Variants in SYNPO2 observed in about 807,000 individuals in gnomAD.
SYNPO2 encodes synaptopodin 2.
SYNPO2 carries 56 observed loss-of-function variants against 85.0 expected under a neutral mutation model. The observed-to-expected ratio is 0.66, with a 90% CI of 0.53 to 0.82. The LOEUF (loss-of-function observed/expected upper bound fraction) is 0.82, where lower values mean the gene tolerates loss of function less well. Ranked by LOEUF, SYNPO2 falls within the 40% of genes least tolerant of loss-of-function variation. SYNPO2 has a pLI of 0.00. For missense variants in SYNPO2, 1,575 were observed against 1,534.2 expected, an observed-to-expected ratio of 1.03 and a Z score of -0.44; for synonymous variants, 602 against 591.1, an observed-to-expected ratio of 1.02 and a Z score of -0.27.
At chr4:118,855,124 CAAA>C (rs71595325) in intron 1 of SYNPO2, among the ~76,000 whole-genome samples, 3 of 137,250 alleles carry the variant, frequency 2.2e-5, no homozygotes, top group Admixed American at 7.0e-5. Context: ...TTTACTAAAG[CAAA>C]AAAAAAAAAA....
intron 1 of SYNPO2, among the ~76,000 whole-genome samples, chr4:119,012,169 T>C (rs191739013): frequency 4.5e-4 from 69 of 152,088 alleles, no homozygotes; most frequent in African/African-American, 1.6e-3. Context: ...GTGATCTGCC[T>C]GCCTCAGCCT....
At chr4:118,912,025 GA>G (rs1436300578) in intron 1 of SYNPO2, among the ~76,000 whole-genome samples, 1 of 152,180 alleles carries the variant, frequency 6.6e-6, no homozygotes, top group African/African-American at 2.4e-5. Flanking sequence ...CTTAGAATTT[GA>G]AAGAGATATC....
rs1483840740 is a variant in SYNPO2, at chr4:119,030,713, C to T, written c.1938C>T (p.Pro646=). The part of the protein sequence containing the change: ...VSSPIAGPAQ[P]PPWPQPAPWS... ...GTCCGATTGCTGGCCCAGCACAGCCCCCTCCATGGCCCCAGCCTGCCCCGT... is the reference window on the plus strand; with the variant it reads ...GTCCGATTGCTGGCCCAGCACAGCCTCCTCCATGGCCCCAGCCTGCCCCGT... Residue 646 remains proline, a synonymous_variant, in exon 4 of 5, where the codon CCC becomes CCT. Transcript: ENST00000307142. 1 of 1,614,164 alleles carries T rather than the reference C, an allele frequency of 6.2e-7. No individual in the cohort carries two copies. The highest frequency in any genetic ancestry group is 2.2e-5 in the East Asian group (1 of 44,874).
At chr4:119,044,047 A>G (rs1258538438) in intron 4 of SYNPO2, 1 of 151,702 alleles carries the variant, frequency 6.6e-6, no homozygotes, top group Non-Finnish European at 1.5e-5. Flanking sequence ...CGTATGTCTG[A>G]TAAGTAGACA....
At chr4:118,866,875 A>G (rs1239528691) in intron 1 of SYNPO2, among the ~76,000 whole-genome samples, 4 of 152,170 alleles carry the variant, frequency 2.6e-5, no homozygotes, top group Non-Finnish European at 5.9e-5. Context: ...TTCTTCATAA[A>G]TCACCCAGTC....
At position 119,031,464 on chromosome 4, in the gene SYNPO2, G is replaced by T; in HGVS notation, c.2689G>T (p.Ala897Ser). ...CGATTCAGACACGGTGCAGGCCCACGCTGCTCGAGCTCAGTCTCCCACTCC... is the reference window on the plus strand; with the variant it reads ...CGATTCAGACACGGTGCAGGCCCACTCTGCTCGAGCTCAGTCTCCCACTCC... Reference protein sequence around the residue: ...VVDSDTVQAHAARAQSPTPSL... With the variant: ...VVDSDTVQAHSARAQSPTPSL... The change falls in exon 4 of 5, where the codon GCT becomes TCT. Residue 897 changes from alanine (A) to serine (S), a missense_variant. Transcript: ENST00000307142. 1 of 1,614,076 alleles carries T rather than the reference G, an allele frequency of 6.2e-7. No individual in the cohort carries two copies. The highest frequency in any genetic ancestry group is 8.5e-7 in the Non-Finnish European group (1 of 1,180,028).
chr4:118,905,699 A>G (rs186324194), intron 1 of SYNPO2, among the ~76,000 whole-genome samples: 201 of 152,220 alleles, frequency 1.3e-3, no homozygotes, highest in African/African-American at 4.6e-3. Context: ...CTGGCCAGCC[A>G]CACAACTTCC....
chr4:119,031,893 G>C lies in SYNPO2; in HGVS notation c.3118G>C (p.Ala1040Pro). ...CTCTCCTCCTTCCTTCTTTGCAGAG[G>C]CCTCCTCACCAGTCAGTGCATCCCC... is the stretch of plus-strand genomic sequence containing the variant. The part of the protein sequence containing the change: ...YTSPPSFFAE[A>P]SSPVSASPVP... Residue 1040 changes from alanine to proline, a missense_variant, in exon 4 of 5, where the codon GCC (alanine) becomes CCC (proline). By Grantham distance (27) the Ala-to-Pro change is conservative. Coordinates refer to ENST00000307142, the MANE Select transcript of SYNPO2 (RefSeq NM_133477.3). The C allele has an allele frequency of 1.2e-6, 2 of 1,614,168 alleles. No individual in the cohort carries two copies. The highest frequency in any genetic ancestry group is 1.7e-6 in the Non-Finnish European group (2 of 1,180,038).
chr4:119,009,566 A>G (rs1737213052), intron 1 of SYNPO2, among the ~76,000 whole-genome samples: 1 of 152,102 alleles, frequency 6.6e-6, no homozygotes, highest in Admixed American at 6.6e-5. Context: ...GCCCCCCAAA[A>G]TATTTTCCTA....
intron 1 of SYNPO2, among the ~76,000 whole-genome samples, chr4:118,982,998 ACT>A (rs1736088129): frequency 1.3e-5 from 2 of 151,878 alleles, no homozygotes; most frequent in South Asian, 4.2e-4. Context: ...AACGTCAGTG[ACT>A]CTTGAAAATT....
upstream of SYNPO2, among the ~76,000 whole-genome samples, chr4:118,887,942 AT>A (rs2149112262): frequency 6.6e-6 from 1 of 152,366 alleles, no homozygotes; most frequent in South Asian, 2.1e-4. Flanking sequence ...AAACAAAAGT[AT>A]TATAGGAAAA....
intron 1 of SYNPO2, among the ~76,000 whole-genome samples, chr4:118,896,959 TA>T (rs58815664): frequency 0.17 from 24,674 of 147,706 alleles, 2,095 homozygotes; most frequent in East Asian, 0.22. Context: ...GCTGGATTGA[TA>T]AAAAAAAAAA....
rs201165841 is a variant in SYNPO2 at position 119,031,046 on chromosome 4, T to C, written c.2271T>C (p.Pro757=). ...QSSSAKQKTP[P]PVAPKPAVKS... is the part of the protein sequence containing the mutation. ...CCTCTGCCAAACAAAAGACCCCTCC[T>C]CCTGTTGCTCCAAAACCTGCAGTCA... Residue 757 remains proline, a synonymous_variant, in exon 4 of 5, where the codon CCT becomes CCC. Coordinates refer to ENST00000307142, the MANE Select transcript of SYNPO2 (RefSeq NM_133477.3). 1 of 1,614,056 alleles carries C rather than the reference T, an allele frequency of 6.2e-7. No homozygotes were observed. Among genetic ancestry groups the C allele is most frequent in the African/African-American group, 1.3e-5 (1 of 75,002 alleles).
At chr4:118,893,515 T>C (rs1377239949) in intron 1 of SYNPO2, among the ~76,000 whole-genome samples, 3 of 152,216 alleles carry the variant, frequency 2.0e-5, no homozygotes, top group Non-Finnish European at 4.4e-5. Context: ...TGCCAATGGT[T>C]AAGCTACAAA....
At chr4:118,969,513 TTA>T (rs1427812697) in intron 1 of SYNPO2, among the ~76,000 whole-genome samples, 1 of 152,202 alleles carries the variant, frequency 6.6e-6, no homozygotes, top group African/African-American at 2.4e-5. Flanking sequence ...CGCCAGTCTT[TTA>T]TATCCCATTG....
rs373173194 is a variant in SYNPO2 at position 118,977,308 on chromosome 4, T to C, written c.106-46122T>C. Among the ~76,000 whole-genome samples, 7 of 152,328 alleles carry C rather than the reference T, an allele frequency of 4.6e-5. No homozygotes were observed. In the East Asian group the frequency reaches 1.2e-3, roughly 25 times the overall value. On this transcript the variant is annotated intron_variant, in intron 1 of 4. Transcript: ENST00000307142. ...ACTGGCCTGGGTGCTAAGTCCCCCA[T>C]TGCCCGAGGCCGCAGGGCTGGCCAG...
intron 1 of SYNPO2, among the ~76,000 whole-genome samples, chr4:118,872,508 GT>G (rs946639157): frequency 6.6e-6 from 1 of 152,050 alleles, no homozygotes; most frequent in Non-Finnish European, 1.5e-5. Flanking sequence ...GGCAAGAATA[GT>G]TTTTTTTAAG....
intron 1 of SYNPO2, among the ~76,000 whole-genome samples, chr4:118,921,803 A>ACG (rs60283064): frequency 6.6e-6 from 1 of 151,552 alleles, no homozygotes; most frequent in Non-Finnish European, 1.5e-5. Flanking sequence ...ACACACACAC[A>ACG]TACTCTTTTT....
intron 1 of SYNPO2, among the ~76,000 whole-genome samples, chr4:119,001,005 T>C (rs957582315): frequency 6.6e-6 from 1 of 152,248 alleles, no homozygotes; most frequent in Non-Finnish European, 1.5e-5. Context: ...CTCTCCATCA[T>C]AGAATTTCTA....
Sources: allele counts gnomAD v4.1 joint callset (sites outside exome capture counted in the v4.1 genomes callset), GRCh38; gene constraint gnomAD v4.1.1; transcripts MANE v1.5; gene names NCBI Gene and HGNC (gene_info 2026-07-23, HGNC 2026-07-21).